RYR2: variants seen among roughly 807,000 people sequenced by gnomAD.
The protein encoded by RYR2 is cardiac muscle ryanodine receptor-calcium release channel.
In RYR2, 227 loss-of-function variants were observed where a neutral mutation model predicts 601.1. The ratio of observed to expected loss-of-function variants is 0.38; its 90% CI spans 0.34 to 0.42. The LOEUF is 0.42. RYR2 is among the 10% of genes least tolerant of loss of function. The probability of loss-of-function intolerance (pLI) is 1.00; values close to 1 mark genes in which losing one functional copy is unlikely to be tolerated. For synonymous variants in RYR2, 2,223 were observed against 2,175.1 expected (o/e 1.02, Z -0.61); for missense variants, 4,646 against 6,156.5 (o/e 0.75, Z 8.21).
chr1:237,648,724 G>C (rs1394578074), intron 49 of RYR2, 111 bp downstream of exon 49: 1 of 1,225,584 alleles, frequency 8.2e-7, no homozygotes, highest in African/African-American at 1.5e-5. Flanking sequence ...TGTTTATTGA[G>C]TACCTGTTAT....
chr1:237,325,464 G>T (rs568836499), intron 2 of RYR2, among the ~76,000 whole-genome samples: 1 of 152,006 alleles, frequency 6.6e-6, no homozygotes, highest in African/African-American at 2.4e-5. Flanking sequence ...CGAGGCAGGC[G>T]GATCATGAGG....
intron 1 of RYR2, among the ~76,000 whole-genome samples, chr1:237,117,528 C>CT (rs1356899958): frequency 6.6e-6 from 1 of 152,148 alleles, no homozygotes; most frequent in Non-Finnish European, 1.5e-5. Context: ...ATGCCCTGGA[C>CT]TGAGATACTG....
chr1:237,645,638 C>T (rs1165005688), intron 48 of RYR2, among the ~76,000 whole-genome samples: 4 of 152,170 alleles, frequency 2.6e-5, no homozygotes, highest in Non-Finnish European at 5.9e-5. Flanking sequence ...CCAGGTACCT[C>T]CTCGTTTCCT....
At chr1:237,177,266 T>A (rs1474753094) in intron 1 of RYR2, among the ~76,000 whole-genome samples, 1 of 152,232 alleles carries the variant, frequency 6.6e-6, no homozygotes, top group Non-Finnish European at 1.5e-5. Context: ...TTAAAACTTT[T>A]TTTAATTGTT....
chr1:237,815,765 G>A (rs1008526723), intron 100 of RYR2, among the ~76,000 whole-genome samples: 1 of 152,148 alleles, frequency 6.6e-6, no homozygotes, highest in Non-Finnish European at 1.5e-5. Flanking sequence ...GAAACTACAA[G>A]TGAATCATTC....
chr1:237,284,239 G>A (rs1691206570), intron 2 of RYR2, among the ~76,000 whole-genome samples: 1 of 151,782 alleles, frequency 6.6e-6, no homozygotes, highest in African/African-American at 2.4e-5. Context: ...AAATCAGCCG[G>A]GCGTGGTCGC....
rs904230293 is a variant in RYR2, at chr1:237,335,849, G to A, written c.273+4867G>A. 1.3e-4 allele frequency among the ~76,000 whole-genome samples: 19 copies of A among 151,988 alleles called. 1 individual carries two copies. Among genetic ancestry groups the A allele is most frequent in the East Asian group, 3.9e-4 (2 of 5,192 alleles). ...TGATCGTGGGTATTGGTAGTTTACC[G>A]CTATGTAAGTTATGGATGATACTTT... On this transcript the variant is annotated intron_variant, in intron 3 of 104. Coordinates refer to ENST00000366574, the MANE Select transcript of RYR2 (RefSeq NM_001035.3).
At chr1:237,276,108 AT>A (rs1055635235) in intron 2 of RYR2, among the ~76,000 whole-genome samples, 2 of 151,394 alleles carry the variant, frequency 1.3e-5, no homozygotes, top group Non-Finnish European at 3.0e-5. Flanking sequence ...ATTTTATTTT[AT>A]TTTTTTTTGA....
At chr1:237,723,999 C>G (rs1573680276) in intron 74 of RYR2, among the ~76,000 whole-genome samples, 1 of 151,878 alleles carries the variant, frequency 6.6e-6, no homozygotes, top group Admixed American at 6.6e-5. Flanking sequence ...TATTTCTCAT[C>G]AAGTCCATTC....
At chr1:237,135,672 G>A (rs571672998) in intron 1 of RYR2, among the ~76,000 whole-genome samples, 17 of 151,936 alleles carry the variant, frequency 1.1e-4, no homozygotes, top group Non-Finnish European at 1.8e-4. Flanking sequence ...CACCGCGCCC[G>A]GCCCCCCTCG....
chr1:237,222,406 C>G lies in RYR2; in HGVS notation c.49-48091C>G, dbSNP rs560215022. Among the ~76,000 whole-genome samples the G allele has an allele frequency of 1.3e-3, 163 of 129,712 alleles. 3 individuals carry two copies. The East Asian group carries it at 0.038, about 30-fold the overall frequency. The allele number at this position is 129,712 out of a possible 152,430, so 85.1% of individuals were successfully genotyped here. A position where few individuals can be genotyped will look rare whatever the true frequency, so the allele number is the denominator to read the frequency against. On this transcript the variant is annotated intron_variant, in intron 1 of 104. Transcript: ENST00000366574. Reference sequence around the variant, plus strand: ...CCAGCCTGGGCCACAGATTGAGACTCCATCTCAAAAAAAAAAAAAGGAAGC... The same window carrying G: ...CCAGCCTGGGCCACAGATTGAGACTGCATCTCAAAAAAAAAAAAAGGAAGC...
intron 2 of RYR2, among the ~76,000 whole-genome samples, chr1:237,284,595 CCCACACACACAT>C (rs1205972153): frequency 3.6e-4 from 32 of 89,106 alleles, no homozygotes; most frequent in African/African-American, 2.1e-3. Flanking sequence ...CACACACAGA[CCCACACACACAT>C]ACACACCACA....
chr1:237,249,131 C>T (rs585717), intron 1 of RYR2, among the ~76,000 whole-genome samples: 59,185 of 151,978 alleles, frequency 0.39, 11,793 homozygotes, highest in East Asian at 0.48. Context: ...CAGATACCAG[C>T]TGAGTTTAAA....
At chr1:237,616,790 A>C (rs1678518030) in intron 37 of RYR2, among the ~76,000 whole-genome samples, 1 of 152,164 alleles carries the variant, frequency 6.6e-6, no homozygotes, top group South Asian at 2.1e-4. Context: ...GGTTTAATGG[A>C]CTCACAGTTC....
intron 2 of RYR2, among the ~76,000 whole-genome samples, chr1:237,279,732 T>G (rs1690661853): frequency 6.6e-6 from 1 of 152,220 alleles, no homozygotes; most frequent in Non-Finnish European, 1.5e-5. Context: ...TCAATAGTCA[T>G]GCAGTGCTGC....
chr1:237,592,147 G>T (rs963396707), intron 32 of RYR2, among the ~76,000 whole-genome samples: 6 of 152,062 alleles, frequency 3.9e-5, no homozygotes, highest in African/African-American at 1.4e-4. Context: ...AACTACATTT[G>T]ATTTTCTTCA....
chr1:237,050,345 A>G (rs996057686), intron 1 of RYR2, among the ~76,000 whole-genome samples: 7 of 152,146 alleles, frequency 4.6e-5, no homozygotes, highest in African/African-American at 1.7e-4. Flanking sequence ...GGCCTTCCTG[A>G]GTCTGGGAAG....
intron 64 of RYR2, among the ~76,000 whole-genome samples, chr1:237,699,665 A>G (rs1687789932): frequency 6.6e-6 from 1 of 152,234 alleles, no homozygotes; most frequent in African/African-American, 2.4e-5. Flanking sequence ...TGCGTTTAAG[A>G]TTTCATTTAA....
At chr1:237,656,116 C>A in intron 53 of RYR2, 132 bp downstream of exon 53, 1 of 660,744 alleles carries the variant, frequency 1.5e-6, no homozygotes, top group Non-Finnish European at 2.5e-6. Flanking sequence ...ATAGGGGTCC[C>A]TTTAATTTAT....
Sources: allele counts gnomAD v4.1 joint callset (sites outside exome capture counted in the v4.1 genomes callset), GRCh38; gene constraint gnomAD v4.1.1; transcripts MANE v1.5; gene names NCBI Gene and HGNC (gene_info 2026-07-23, HGNC 2026-07-21).